KLHDC1: variants seen among roughly 807,000 people sequenced by gnomAD.
KLHDC1 encodes the protein kelch domain containing 1, also known as kelch domain-containing protein 1.
In KLHDC1, 53 loss-of-function variants were observed where a neutral mutation model predicts 68.3. The observed-to-expected ratio is 0.78, with a 90% CI of 0.62 to 0.98. The LOEUF (loss-of-function observed/expected upper bound fraction) is 0.98, where lower values mean the gene tolerates loss of function less well. KLHDC1 is among the 50% of genes least tolerant of loss of function. KLHDC1 has a pLI of 0.00. For missense variants in KLHDC1, 470 were observed against 492.3 expected (o/e 0.95, Z 0.43); for synonymous variants, 148 against 159.0 (o/e 0.93, Z 0.52).
chr14:49,694,835 C>G (rs1887686809), intron 1 of KLHDC1, among the ~76,000 whole-genome samples: 1 of 152,198 alleles, frequency 6.6e-6, no homozygotes, highest in Admixed American at 6.5e-5. Context: ...GCCTGGGCGA[C>G]AGAGCGAGAC....
intron 9 of KLHDC1, among the ~76,000 whole-genome samples, chr14:49,733,730 T>C (rs1192433389): frequency 6.6e-6 from 1 of 152,190 alleles, no homozygotes; most frequent in East Asian, 1.9e-4. Context: ...CATTTTCTGT[T>C]TTCTTAACCC....
intron 4 of KLHDC1, among the ~76,000 whole-genome samples, chr14:49,717,880 T>C (rs1409494952): frequency 6.6e-6 from 1 of 152,158 alleles, no homozygotes; most frequent in East Asian, 1.9e-4. Context: ...TCTTGAGATA[T>C]AATTTATTTT....
chr14:49,742,244 A>G (rs574351535), intron 11 of KLHDC1, among the ~76,000 whole-genome samples: 2 of 152,266 alleles, frequency 1.3e-5, no homozygotes, highest in Non-Finnish European at 2.9e-5. Context: ...AAGCATGATC[A>G]TAAATTATGA....
At position 49,723,933 on chromosome 14, in the gene KLHDC1, A is replaced by T. The variant is rs1227089435; in HGVS notation, c.464A>T (p.Asp155Val). 1.9e-6 allele frequency: 3 copies of T among 1,598,654 alleles called. No homozygotes were observed. The highest frequency in any genetic ancestry group is 1.7e-5 in the Admixed American group (1 of 59,284). ...RRHSELQDCF[D>V]VHDASWEEQI... is the part of the protein sequence containing the mutation. ...CACAGTGAACTCCAAGACTGTTTTGATGTTCATGATGCATCTTGGGTAAGA... is the reference window on the plus strand; with the variant it reads ...CACAGTGAACTCCAAGACTGTTTTGTTGTTCATGATGCATCTTGGGTAAGA... Residue 155 changes from aspartate to valine, a missense_variant, in exon 5 of 13, where the codon GAT becomes GTT. Asp to Val is a radical substitution (Grantham distance 152). Transcript: ENST00000359332.
At chr14:49,701,154 G>A (rs1438945440) in intron 1 of KLHDC1, among the ~76,000 whole-genome samples, 1 of 151,898 alleles carries the variant, frequency 6.6e-6, no homozygotes, top group African/African-American at 2.4e-5. Context: ...AGACTATTTT[G>A]TATTTAAAAG....
intron 1 of KLHDC1, among the ~76,000 whole-genome samples, chr14:49,699,440 G>A (rs2139728302): frequency 6.6e-6 from 1 of 151,254 alleles, no homozygotes; most frequent in African/African-American, 2.4e-5. Context: ...AAAAAAAGAG[G>A]ACATGGCATA....
In KLHDC1 at chr14:49,693,306, G is replaced by T; in HGVS notation, c.96+16G>T. 2 of 1,503,206 alleles carry T rather than the reference G, an allele frequency of 1.3e-6. No individual in the cohort carries two copies. Among genetic ancestry groups the T allele is most frequent in the Non-Finnish European group, 1.8e-6 (2 of 1,122,338 alleles). The allele number at this position is 1,503,206 out of a possible 1,614,324, so 93.1% of individuals were successfully genotyped here. A position where few individuals can be genotyped will look rare whatever the true frequency, so the allele number is the denominator to read the frequency against. ...GGGCTACGTGGTAAGGGGAAGAGGC[G>T]GGACGGGGTAGACTCGCGCCGGGAG... On this transcript the variant is annotated intron_variant, in intron 1 of 12. Transcript: ENST00000359332.
At position 49,693,184 on chromosome 14, in the gene KLHDC1, C is replaced by T. The variant is rs1400367408; in HGVS notation, c.-11C>T. The stretch of plus-strand genomic sequence containing the variant: ...TGTGGCGCGGCAAGCGGCGGGCCAG[C>T]GACGGCGCGAATGGCGGACTCTCAG... On this transcript the variant is annotated 5_prime_UTR_variant, in exon 1 of 13. Transcript: ENST00000359332. 2 of 1,575,240 alleles carry T rather than the reference C, an allele frequency of 1.3e-6. No homozygotes were observed. The highest frequency in any genetic ancestry group is 1.7e-6 in the Non-Finnish European group (2 of 1,162,780).
intron 11 of KLHDC1, among the ~76,000 whole-genome samples, chr14:49,742,335 T>C (rs1347563739): frequency 6.6e-6 from 1 of 152,230 alleles, no homozygotes; most frequent in Non-Finnish European, 1.5e-5. Context: ...GAGAGACTCA[T>C]TATTCAAATA....
chr14:49,745,429 G>A (rs1404732010), intron 12 of KLHDC1, among the ~76,000 whole-genome samples: 1 of 152,148 alleles, frequency 6.6e-6, no homozygotes, highest in East Asian at 1.9e-4. Context: ...TGCCTACTTG[G>A]GAAGGCACTG....
chr14:49,752,219 T>A lies in KLHDC1; in HGVS notation c.*447T>A, dbSNP rs1889334777. The A allele has an allele frequency of 6.6e-6, 1 of 152,186 alleles. No homozygotes were observed. Among genetic ancestry groups the A allele is most frequent in the Non-Finnish European group, 1.5e-5 (1 of 67,960 alleles). The allele number at this position is 152,186 out of a possible 1,614,324, so 9.4% of individuals were successfully genotyped here. A position where few individuals can be genotyped will look rare whatever the true frequency, so the allele number is the denominator to read the frequency against. On this transcript the variant is annotated 3_prime_UTR_variant, in exon 13 of 13. Coordinates refer to ENST00000359332, the MANE Select transcript of KLHDC1 (RefSeq NM_172193.3). ...TCATTTTAAAGTTACCTAACGTTCT[T>A]CTTGAATAACTAATACAGTGGGTCA...
At position 49,709,182 on chromosome 14, in the gene KLHDC1, T is replaced by G. The variant is rs779272484; in HGVS notation, c.120T>G (p.Tyr40Ter). 7.2e-7 allele frequency: 1 copy of G among 1,379,848 alleles called. No individual in the cohort carries two copies. The highest frequency in any genetic ancestry group is 2.4e-5 in the East Asian group (1 of 42,144). The allele number at this position is 1,379,848 out of a possible 1,614,324, so 85.5% of individuals were successfully genotyped here. A position where few individuals can be genotyped will look rare whatever the true frequency, so the allele number is the denominator to read the frequency against. ...GYVSIEDNEV[Y>*]LPNDEIWTYD... ...AGTCTATTGAAGACAATGAAGTATA[T>G]TTGCCTAATGATGAAATTTGGACCT... The change falls in exon 2 of 13, where the codon TAT (tyrosine) becomes TAG (stop). Residue 40 changes from tyrosine to a stop codon, truncating the protein, a stop_gained. Transcript: ENST00000359332. LOFTEE classifies it high-confidence loss of function.
intron 8 of KLHDC1, 95 bp from the exon 9 acceptor site, chr14:49,732,609 G>A: frequency 2.2e-6 from 1 of 459,672 alleles, no homozygotes; most frequent in Non-Finnish European, 3.7e-6. Flanking sequence ...TTTTGGAGCA[G>A]TGAGGGCAGA....
At chr14:49,733,924 A>G (rs1276646550) in intron 9 of KLHDC1, among the ~76,000 whole-genome samples, 3 of 152,216 alleles carry the variant, frequency 2.0e-5, no homozygotes, top group African/African-American at 7.2e-5. Context: ...AGTTCCTAGT[A>G]GGAGATGTTA....
intron 12 of KLHDC1, among the ~76,000 whole-genome samples, chr14:49,745,343 G>A (rs1053576755): frequency 1.3e-5 from 2 of 152,164 alleles, no homozygotes; most frequent in African/African-American, 4.8e-5. Context: ...TACAGATGAT[G>A]ATTTAATTAG....
chr14:49,732,878 ATACT>A, intron 9 of KLHDC1, 62 bp downstream of exon 9: 2 of 840,430 alleles, frequency 2.4e-6, no homozygotes, highest in Non-Finnish European at 3.9e-6. Context: ...ATTGTATTTC[ATACT>A]TACAGTGAAG....
intron 8 of KLHDC1, among the ~76,000 whole-genome samples, chr14:49,730,982 T>C (rs905461749): frequency 1.4e-5 from 2 of 142,818 alleles, no homozygotes; most frequent in African/African-American, 2.6e-5. Flanking sequence ...CAAAAACTAA[T>C]AATAAAAATA....
At chr14:49,735,782 A>G (rs1421820053) in intron 10 of KLHDC1, among the ~76,000 whole-genome samples, 1 of 152,164 alleles carries the variant, frequency 6.6e-6, no homozygotes, top group Non-Finnish European at 1.5e-5. Flanking sequence ...AGGCCAAGGC[A>G]GGAGGATCAC....
At position 49,729,510 on chromosome 14, in the gene KLHDC1, G is replaced by A; in HGVS notation, c.672G>A (p.Leu224=). ...GRVLQTRMND[L]HYLNLDTWTW... is the part of the protein sequence containing the mutation. Reference sequence around the variant, plus strand: ...TTTAGCAAACTAGGATGAATGATTTGCACTATCTAAACCTAGACACCTGGA... The same window carrying A: ...TTTAGCAAACTAGGATGAATGATTTACACTATCTAAACCTAGACACCTGGA... The change falls in exon 8 of 13, where the codon TTG becomes TTA. Residue 224 remains leucine, a synonymous_variant. Coordinates refer to ENST00000359332, the MANE Select transcript of KLHDC1 (RefSeq NM_172193.3). 1 of 1,610,638 alleles carries A rather than the reference G, an allele frequency of 6.2e-7. No homozygotes were observed. The highest frequency in any genetic ancestry group is 8.5e-7 in the Non-Finnish European group (1 of 1,177,198).
Sources: allele counts gnomAD v4.1 joint callset (sites outside exome capture counted in the v4.1 genomes callset), GRCh38; gene constraint gnomAD v4.1.1; transcripts MANE v1.5; gene names NCBI Gene and HGNC (gene_info 2026-07-23, HGNC 2026-07-21).